Variants in DNAH11 observed in about 807,000 individuals in gnomAD.
DNAH11 encodes the protein dynein axonemal heavy chain 11.
In DNAH11, 442 loss-of-function variants were observed where a neutral mutation model predicts 526.0. That is an observed-to-expected ratio of 0.84 (90% CI 0.78 to 0.91). DNAH11 has a LOEUF of 0.91. Among genes scored for constraint, DNAH11 ranks in the 40% least tolerant of loss-of-function variants. The pLI, the probability that DNAH11 is intolerant of heterozygous loss-of-function variation, is 0.00. For synonymous variants in DNAH11, 2,461 were observed against 1,935.9 expected, an observed-to-expected ratio of 1.27 and a Z score of -7.12; for missense variants, 6,989 against 5,448.7, an observed-to-expected ratio of 1.28 and a Z score of -8.90.
rs768492765 is a variant in DNAH11 at position 21,561,106 on chromosome 7, C to T, written c.918C>T (p.Ile306=). The part of the protein sequence containing the change: ...QAPVVLKMVK[I]LTTKQSSYFP... Reference sequence around the variant, plus strand: ...CTGTTGTCCTCAAAATGGTTAAGATCCTGACAACTAAACAAAGCAGCTATT... The same window carrying T: ...CTGTTGTCCTCAAAATGGTTAAGATTCTGACAACTAAACAAAGCAGCTATT... The change falls in exon 5 of 82, where the codon ATC becomes ATT. Residue 306 remains isoleucine, a synonymous_variant. Transcript: ENST00000409508. 4 of 1,604,282 alleles carry T rather than the reference C, an allele frequency of 2.5e-6. No individual in the cohort carries two copies. The Middle Eastern group carries it at 5.0e-4, about 199-fold the overall frequency.
At chr7:21,818,400 T>A in intron 65 of DNAH11, 61 bp downstream of exon 65, 1 of 1,551,446 alleles carries the variant, frequency 6.4e-7, no homozygotes, top group Non-Finnish European at 8.7e-7. Context: ...CAGCAGCATC[T>A]CTTAGCTTCA....
At chr7:21,757,193 A>G (rs1217570098) in intron 54 of DNAH11, among the ~76,000 whole-genome samples, 1 of 152,192 alleles carries the variant, frequency 6.6e-6, no homozygotes, top group Non-Finnish European at 1.5e-5. Context: ...CTTTATAATA[A>G]TCACCACTTT....
chr7:21,600,247 C>T lies in DNAH11; in HGVS notation c.3000+128C>T, dbSNP rs1013296394. 5.1e-6 allele frequency: 4 copies of T among 791,036 alleles called. No homozygotes were observed. The African/African-American group carries it at 7.0e-5, about 14-fold the overall frequency. 49.0% of individuals were successfully genotyped at this position (791,036 alleles called of 1,614,324 possible). On this transcript the variant is annotated intron_variant, in intron 15 of 81. Coordinates refer to ENST00000409508, the MANE Select transcript of DNAH11 (RefSeq NM_001277115.2). ...GGCTGAGGCAAGAGGATTGCTTGGG[C>T]CCAAGAGTTCAAGACCAGCCTAAGC...
chr7:21,802,420 A>T (rs1017037867), intron 62 of DNAH11, among the ~76,000 whole-genome samples: 11 of 152,240 alleles, frequency 7.2e-5, no homozygotes, highest in Admixed American at 5.2e-4. Flanking sequence ...CAGTTCCTCA[A>T]AACGTTAAAC....
intron 14 of DNAH11, among the ~76,000 whole-genome samples, chr7:21,598,666 A>G (rs1212846517): frequency 6.6e-6 from 1 of 152,194 alleles, no homozygotes; most frequent in Non-Finnish European, 1.5e-5. Flanking sequence ...GGTTTATTGT[A>G]CAGATTATTT....
chr7:21,579,944 A>G (rs1784250038), intron 8 of DNAH11, among the ~76,000 whole-genome samples: 1 of 152,220 alleles, frequency 6.6e-6, no homozygotes, highest in African/African-American at 2.4e-5. Context: ...CTCCAGAGGT[A>G]GTTAGAAGAG....
intron 30 of DNAH11, among the ~76,000 whole-genome samples, chr7:21,664,869 A>C (rs1583575049): frequency 6.6e-6 from 1 of 152,218 alleles, no homozygotes; most frequent in East Asian, 1.9e-4. Flanking sequence ...CTCAGTCCCA[A>C]CTTTCTGCCT....
rs1026963280 is a variant in DNAH11 at position 21,625,029 on chromosome 7, A to T, written c.4500+4951A>T. 2.0e-5 allele frequency among the ~76,000 whole-genome samples: 3 copies of T among 151,980 alleles called. No homozygotes were observed. In the South Asian group the frequency reaches 6.2e-4, roughly 32 times the overall value. On this transcript the variant is annotated intron_variant, in intron 25 of 81. Coordinates refer to ENST00000409508, the MANE Select transcript of DNAH11 (RefSeq NM_001277115.2). ...TGTGGTGTCCTTGTTTGGCTTTGGT[A>T]TCAGAATAATCATGGCCTCATAAAG...
intron 45 of DNAH11, among the ~76,000 whole-genome samples, chr7:21,728,313 A>G (rs975827961): frequency 7.8e-6 from 1 of 127,808 alleles, no homozygotes; most frequent in Non-Finnish European, 1.5e-5. Context: ...GCTGGAGTGC[A>G]GTGGTGCAAT....
intron 21 of DNAH11, 52 bp from the exon 22 acceptor site, chr7:21,616,157 A>G: frequency 2.2e-6 from 3 of 1,371,830 alleles, no homozygotes; most frequent in Admixed American, 3.4e-5. Context: ...TGCTGCAGAG[A>G]CTTGCTTTCA....
intron 3 of DNAH11, 137 bp from the exon 4 acceptor site, chr7:21,559,466 A>G: frequency 1.4e-6 from 1 of 727,392 alleles, no homozygotes; most frequent in Non-Finnish European, 2.2e-6. Flanking sequence ...ACTCAAATCA[A>G]GACCATAAAA....
Position 21,901,205 on chromosome 7 carries a change from A to AGACTGCAAAAT in DNAH11, c.13504_13514dup (p.Trp4505Ter). The AGACTGCAAAAT allele has an allele frequency of 6.2e-7, 1 of 1,613,094 alleles. No homozygotes were observed. Among genetic ancestry groups the AGACTGCAAAAT allele is most frequent in the Non-Finnish European group, 8.5e-7 (1 of 1,179,222 alleles). Reference sequence around the variant, plus strand: ...ACCTTCAGGCTGAAGAGCGAAGAGAAGACTGCAAAATGGGTTCTGGCTGGA... The same window carrying AGACTGCAAAAT: ...ACCTTCAGGCTGAAGAGCGAAGAGAAGACTGCAAAATGACTGCAAAATGGGTTCTGGCTGGA... On this transcript the variant is annotated frameshift_variant, in exon 82 of 82. Coordinates refer to ENST00000409508, the MANE Select transcript of DNAH11 (RefSeq NM_001277115.2). LOFTEE classifies it high-confidence loss of function.
rs557672980 is a variant in DNAH11, at chr7:21,583,531, T to C, written c.1710+1510T>C. Among the ~76,000 whole-genome samples the C allele has an allele frequency of 3.3e-5, 5 of 152,026 alleles. No individual in the cohort carries two copies. The East Asian group carries it at 9.7e-4, about 29-fold the overall frequency. ...TCAGGACATAGGCATGGGCAAAGAC[T>C]TCATGACTAAAACACCAAAAGGAAT... On this transcript the variant is annotated intron_variant, in intron 9 of 81. Transcript: ENST00000409508.
chr7:21,776,219 A>G (rs1441461172), intron 56 of DNAH11, among the ~76,000 whole-genome samples: 1 of 152,216 alleles, frequency 6.6e-6, no homozygotes, highest in Non-Finnish European at 1.5e-5. Context: ...AAGTCTGTAA[A>G]GACACAAGAC....
chr7:21,867,606 AG>A (rs1378702331), intron 71 of DNAH11, among the ~76,000 whole-genome samples: 1 of 152,122 alleles, frequency 6.6e-6, no homozygotes, highest in African/African-American at 2.4e-5. Context: ...GATGGCACTC[AG>A]GGGGGTCTCA....
At chr7:21,582,127 T>TAGTC in intron 9 of DNAH11, 106 bp downstream of exon 9, 1 of 697,138 alleles carries the variant, frequency 1.4e-6, no homozygotes, top group Non-Finnish European at 2.5e-6. Context: ...CTAGGTTAAC[T>TAGTC]AGTCATATTC....
chr7:21,711,725 C>T lies in DNAH11; in HGVS notation c.6848C>T (p.Ala2283Val), dbSNP rs758969813. The T allele has an allele frequency of 1.2e-6, 2 of 1,613,620 alleles. No individual in the cohort carries two copies. Among genetic ancestry groups the T allele is most frequent in the Non-Finnish European group, 8.5e-7 (1 of 1,179,676 alleles). ...VMDDNKVLTLASNERIALTPF... is the reference protein window; with the variant it reads ...VMDDNKVLTLVSNERIALTPF... ...TGCTCACTCCAGGTGCTGACCCTCG[C>T]CAGCAATGAGCGCATTGCACTCACT... is the stretch of plus-strand genomic sequence containing the variant. The change falls in exon 42 of 82, where the codon GCC becomes GTC. Residue 2283 changes from alanine to valine, a missense_variant. Transcript: ENST00000409508.
intron 45 of DNAH11, 55 bp from the exon 46 acceptor site, chr7:21,735,585 C>A: frequency 6.7e-7 from 1 of 1,500,542 alleles, no homozygotes; most frequent in African/African-American, 1.4e-5. Context: ...GCCTCTCTCT[C>A]GCACGCACTC....
intron 42 of DNAH11, among the ~76,000 whole-genome samples, chr7:21,716,374 T>G (rs1467156412): frequency 6.6e-6 from 1 of 152,204 alleles, no homozygotes; most frequent in Non-Finnish European, 1.5e-5. Context: ...GTAAGCACTT[T>G]ATACATGCAA....
Sources: allele counts gnomAD v4.1 joint callset (sites outside exome capture counted in the v4.1 genomes callset), GRCh38; gene constraint gnomAD v4.1.1; transcripts MANE v1.5; gene names NCBI Gene and HGNC (gene_info 2026-07-23, HGNC 2026-07-21).